The following RBM39 variants were observed in gnomAD, a reference collection of about 807,000 sequenced individuals.
RBM39 encodes the protein RNA binding motif protein 39.
A neutral mutation model predicts 79.6 loss-of-function variants in RBM39; 12 were observed. The ratio of observed to expected loss-of-function variants is 0.15; its 90% confidence interval spans 0.10 to 0.24. The LOEUF (loss-of-function observed/expected upper bound fraction) is 0.24. Ranked by LOEUF, RBM39 falls within the 10% of genes least tolerant of loss-of-function variation. RBM39 has a pLI of 1.00. For synonymous variants in RBM39, 185 were observed against 208.4 expected (o/e 0.89, Z 0.97); for missense variants, 243 against 653.4 (o/e 0.37, Z 6.85).
In RBM39 at chr20:35,740,812, G is replaced by A. The variant is rs2040418585; in HGVS notation, c.51+12C>T. On this transcript the variant is annotated intron_variant, in intron 2 of 16. Transcript: ENST00000253363. ...AGAAATATATAAACCTCACCGACAT[G>A]TTTTTTCTCACCTTCTTGTAAGGAG... 1.9e-6 allele frequency: 3 copies of A among 1,605,460 alleles called. No individual in the cohort carries two copies. The highest frequency in any genetic ancestry group is 2.2e-5 in the East Asian group (1 of 44,786).
At chr20:35,717,558 T>A (rs765070260) in intron 9 of RBM39, among the ~76,000 whole-genome samples, 1 of 152,158 alleles carries the variant, frequency 6.6e-6, no homozygotes, top group Non-Finnish European at 1.5e-5. Context: ...AATTTGGCAA[T>A]ATACAATGAA....
Position 35,721,947 on chromosome 20 carries a change from A to G in RBM39, c.688-70T>C, listed in dbSNP as rs1253224418. ...TTAAAGACATACACCTTCCATTTGC[A>G]TAACAACTAATGTTAAAGTTTAGAG... On this transcript the variant is annotated intron_variant, in intron 8 of 16. Coordinates refer to ENST00000253363, the MANE Select transcript of RBM39 (RefSeq NM_184234.3). 6.0e-6 allele frequency: 9 copies of G among 1,506,526 alleles called. No homozygotes were observed. In the Admixed American group the frequency reaches 7.1e-5, roughly 12 times the overall value. The allele number at this position is 1,506,526 out of a possible 1,614,324, so 93.3% of individuals were successfully genotyped here.
intron 3 of RBM39, chr20:35,736,731 A>G: frequency 5.8e-6 from 2 of 346,918 alleles, no homozygotes; most frequent in Non-Finnish European, 1.2e-5. Flanking sequence ...GCTCATTACA[A>G]CCTCTGCCTC....
At chr20:35,733,076 G>A (rs1338395773) in intron 3 of RBM39, among the ~76,000 whole-genome samples, 3 of 152,192 alleles carry the variant, frequency 2.0e-5, no homozygotes, top group Non-Finnish European at 2.9e-5. Flanking sequence ...GCCGAGGCAG[G>A]CAGATCACTT....
At position 35,721,687 on chromosome 20, in the gene RBM39, G is replaced by A. The variant is rs957236508; in HGVS notation, c.825+53C>T. ...AAGCAAGACATACAGAAATTATGTA[G>A]TTATACTCAGATCAACAACCTACTG... On this transcript the variant is annotated intron_variant, in intron 9 of 16. Transcript: ENST00000253363. 1.9e-6 allele frequency: 3 copies of A among 1,584,682 alleles called. No individual in the cohort carries two copies. The African/African-American group carries it at 4.1e-5, about 21-fold the overall frequency.
At chr20:35,731,694 A>G (rs540127681) in intron 4 of RBM39, 4 of 518,042 alleles carry the variant, frequency 7.7e-6, no homozygotes, top group African/African-American at 7.6e-5. Flanking sequence ...TGACTGGCAT[A>G]CAATTTAGAA....
chr20:35,717,303 A>T (rs115026080), intron 9 of RBM39, among the ~76,000 whole-genome samples: 1 of 152,028 alleles, frequency 6.6e-6, no homozygotes, highest in African/African-American at 2.4e-5. Context: ...AAAACAAAAA[A>T]AAAAAACAAA....
At chr20:35,722,925 C>A (rs1383392909) in intron 8 of RBM39, among the ~76,000 whole-genome samples, 1 of 146,562 alleles carries the variant, frequency 6.8e-6, no homozygotes, top group Non-Finnish European at 1.5e-5. Context: ...CAGAGCGAGA[C>A]TCCGTCTCAA....
At chr20:35,736,953 G>C (rs377640709) in intron 3 of RBM39, among the ~76,000 whole-genome samples, 1 of 149,968 alleles carries the variant, frequency 6.7e-6, no homozygotes, top group Non-Finnish European at 1.5e-5. Context: ...GCCAAGCCCA[G>C]ACTTTTTTTT....
intron 15 of RBM39, 88 bp from the exon 16 acceptor site, chr20:35,704,834 T>TA: frequency 9.1e-7 from 1 of 1,094,756 alleles, no homozygotes; most frequent in Non-Finnish European, 1.4e-6. Context: ...TGTAGAAACT[T>TA]AGTGCTCTAT....
At chr20:35,719,363 T>C (rs530322203) in intron 9 of RBM39, among the ~76,000 whole-genome samples, 1 of 152,104 alleles carries the variant, frequency 6.6e-6, no homozygotes, top group East Asian at 1.9e-4. Context: ...TTACAGCTGT[T>C]TGGAAGAGAG....
At chr20:35,723,785 G>A (rs115645358) in intron 8 of RBM39, among the ~76,000 whole-genome samples, 1,546 of 152,288 alleles carry the variant, frequency 0.01, 15 homozygotes, top group African/African-American at 0.035. Flanking sequence ...CGGCTCAAGT[G>A]ATCCTAACAC....
intron 8 of RBM39, 54 bp from the exon 9 acceptor site, chr20:35,721,931 T>A: frequency 6.4e-7 from 1 of 1,556,444 alleles, no homozygotes; most frequent in Non-Finnish European, 8.8e-7. Context: ...TTTAAAGACA[T>A]ACACCTTCCA....
Position 35,703,603 on chromosome 20 carries a change from C to T in RBM39, c.*878G>A, listed in dbSNP as rs2035401866. The stretch of plus-strand genomic sequence containing the variant: ...TTTAAAACATTTGAAAAATGAAGAT[C>T]TCCTGTGGCCTTTTTAAGAGACTTT... On this transcript the variant is annotated 3_prime_UTR_variant, in exon 17 of 17. Transcript: ENST00000253363. 1 of 152,628 alleles carries T rather than the reference C, an allele frequency of 6.6e-6. No individual in the cohort carries two copies. Among genetic ancestry groups the T allele is most frequent in the Non-Finnish European group, 1.5e-5 (1 of 68,038 alleles). The allele number at this position is 152,628 out of a possible 1,614,324, so 9.5% of individuals were successfully genotyped here.
intron 3 of RBM39, among the ~76,000 whole-genome samples, chr20:35,737,515 G>A (rs886740564): frequency 1.1e-4 from 17 of 148,618 alleles, no homozygotes; most frequent in Admixed American, 9.4e-4. Context: ...AGCTGAGATC[G>A]TGTCATGGCG....
chr20:35,739,235 T>C (rs760422057), intron 2 of RBM39: 4 of 579,580 alleles, frequency 6.9e-6, no homozygotes, highest in East Asian at 3.2e-5. Context: ...AATAAAAAAA[T>C]TTTCCATATT....
At chr20:35,736,528 TGAGA>T (rs1433277274) in intron 3 of RBM39, 10 of 469,482 alleles carry the variant, frequency 2.1e-5, no homozygotes, top group Non-Finnish European at 4.0e-5. Context: ...ACAGTTGTAG[TGAGA>T]AAGACTGACA....
chr20:35,726,125 T>A (rs1159891028), intron 6 of RBM39, among the ~76,000 whole-genome samples: 1 of 152,114 alleles, frequency 6.6e-6, no homozygotes, highest in Non-Finnish European at 1.5e-5. Context: ...TCAAAAAAAG[T>A]AATTTTTCTT....
At chr20:35,739,400 C>CTA in intron 2 of RBM39, 1 of 472,116 alleles carries the variant, frequency 2.1e-6, no homozygotes, top group South Asian at 1.5e-5. Flanking sequence ...TACCATGGCT[C>CTA]TATTTCTGCC....
Sources: gnomAD v4.1 joint callset for allele counts (sites outside exome capture counted in the v4.1 genomes callset) on GRCh38, gnomAD v4.1.1 for gene constraint, MANE v1.5 for transcripts, NCBI Gene and HGNC (gene_info 2026-07-23, HGNC 2026-07-21) for gene names.